Variants in STAG1 observed in about 807,000 individuals in gnomAD.
STAG1 encodes cohesin subunit SA-1.
In STAG1, 26 loss-of-function variants were observed where a neutral mutation model predicts 170.9. The observed-to-expected ratio is 0.15, with a 90% CI of 0.11 to 0.21. The LOEUF (loss-of-function observed/expected upper bound fraction) is 0.21, where lower values mean the gene tolerates loss of function less well. STAG1 is among the 10% of genes least tolerant of loss of function. The probability of loss-of-function intolerance (pLI) is 1.00; values close to 1 mark genes in which losing one functional copy is unlikely to be tolerated. For missense variants in STAG1, 964 were observed against 1,509.5 expected, an observed-to-expected ratio of 0.64 and a Z score of 5.99; for synonymous variants, 514 against 497.7, an observed-to-expected ratio of 1.03 and a Z score of -0.44.
At chr3:136,592,230 T>C (rs1385387442) in intron 4 of STAG1, among the ~76,000 whole-genome samples, 1 of 152,194 alleles carries the variant, frequency 6.6e-6, no homozygotes, top group East Asian at 1.9e-4. Context: ...TGAATTGTAA[T>C]TCCCATAATC....
intron 5 of STAG1, among the ~76,000 whole-genome samples, chr3:136,566,748 TACAG>T (rs984912099): frequency 1.3e-5 from 2 of 152,188 alleles, no homozygotes; most frequent in African/African-American, 4.8e-5. Flanking sequence ...TGCATTTACC[TACAG>T]ACATTCTTTA....
chr3:136,747,621 AGTG>A lies in STAG1; in HGVS notation c.-84+4571_-84+4573del, dbSNP rs1219387677. ...GCCTGGGGAGGTTGAGGCTGCAGTG[AGTG>A]AACTGTGACTGCACAACTGCACTCC... is the stretch of plus-strand genomic sequence containing the variant. On this transcript the variant is annotated intron_variant, in intron 1 of 33. Coordinates refer to ENST00000383202, the MANE Select transcript of STAG1 (RefSeq NM_005862.3). 2.6e-5 allele frequency among the ~76,000 whole-genome samples: 4 copies of A among 152,180 alleles called. No homozygotes were observed. In the East Asian group the frequency reaches 7.8e-4, roughly 30 times the overall value.
At chr3:136,666,987 CTA>C (rs1314845984) in intron 1 of STAG1, among the ~76,000 whole-genome samples, 1 of 152,052 alleles carries the variant, frequency 6.6e-6, no homozygotes. Flanking sequence ...TATATTCCAC[CTA>C]TATAGTTTCA....
chr3:136,530,507 T>C lies in STAG1; in HGVS notation c.472-9090A>G, dbSNP rs1479350086. ...TTCTCATTAGCACATGGATAGACCATATGTTAAGCCACAAAACAAGTCTCG... is the reference window on the plus strand; with the variant it reads ...TTCTCATTAGCACATGGATAGACCACATGTTAAGCCACAAAACAAGTCTCG... On this transcript the variant is annotated intron_variant, in intron 6 of 33. Transcript: ENST00000383202. Among the ~76,000 whole-genome samples the C allele has an allele frequency of 2.6e-5, 4 of 152,172 alleles. No individual in the cohort carries two copies. In the East Asian group the frequency reaches 5.8e-4, roughly 22 times the overall value.
intron 1 of STAG1, among the ~76,000 whole-genome samples, chr3:136,708,999 CAG>C (rs1943308878): frequency 9.5e-6 from 1 of 105,424 alleles, no homozygotes; most frequent in Non-Finnish European, 1.8e-5. Context: ...TTTTTAAAGA[CAG>C]GGTCTCAGCC....
intron 3 of STAG1, among the ~76,000 whole-genome samples, chr3:136,612,868 CTTAATT>C (rs1205562946): frequency 6.6e-6 from 1 of 152,172 alleles, no homozygotes; most frequent in African/African-American, 2.4e-5. Flanking sequence ...TTTCTGTGTA[CTTAATT>C]TTTAAAATCA....
chr3:136,725,269 A>G (rs956576686), intron 1 of STAG1, among the ~76,000 whole-genome samples: 7 of 146,062 alleles, frequency 4.8e-5, no homozygotes, highest in African/African-American at 1.8e-4. Context: ...CTAGAAAACA[A>G]AATTATACGG....
intron 7 of STAG1, among the ~76,000 whole-genome samples, chr3:136,512,723 A>C (rs1326527966): frequency 1.4e-5 from 2 of 143,908 alleles, no homozygotes; most frequent in Non-Finnish European, 3.1e-5. Context: ...CACTAACAAC[A>C]ATTGAGGATC....
At chr3:136,722,989 C>G (rs1171074206) in intron 1 of STAG1, among the ~76,000 whole-genome samples, 3 of 152,238 alleles carry the variant, frequency 2.0e-5, no homozygotes, top group Non-Finnish European at 4.4e-5. Context: ...CTGGTTCACT[C>G]AGTGCTCAAT....
At chr3:136,485,298 A>G (rs1396567524) in intron 9 of STAG1, among the ~76,000 whole-genome samples, 1 of 152,092 alleles carries the variant, frequency 6.6e-6, no homozygotes, top group Non-Finnish European at 1.5e-5. Context: ...TCTACTAAAA[A>G]TACAAAAAAT....
intron 3 of STAG1, among the ~76,000 whole-genome samples, chr3:136,619,932 G>A (rs1306403605): frequency 6.6e-6 from 1 of 151,814 alleles, no homozygotes; most frequent in Non-Finnish European, 1.5e-5. Flanking sequence ...GCGTGGTGGC[G>A]TGCGTCTGTA....
At chr3:136,472,261 A>G (rs2089646162) in intron 12 of STAG1, 152 bp downstream of exon 12, 2 of 486,324 alleles carry the variant, frequency 4.1e-6, no homozygotes, top group Non-Finnish European at 7.2e-6. Context: ...AAAAAACAGA[A>G]AACACTTTTT....
intron 7 of STAG1, among the ~76,000 whole-genome samples, chr3:136,513,026 T>C (rs1934153732): frequency 6.6e-6 from 1 of 152,120 alleles, no homozygotes; most frequent in South Asian, 2.1e-4. Flanking sequence ...CGAAAAGGTA[T>C]CTACGAAACA....
chr3:136,592,318 G>C (rs1938225172), intron 4 of STAG1, among the ~76,000 whole-genome samples: 1 of 152,124 alleles, frequency 6.6e-6, no homozygotes, highest in Non-Finnish European at 1.5e-5. Flanking sequence ...TCTCATGACA[G>C]TGAGTGAGTC....
chr3:136,519,627 C>A (rs1217478321), intron 7 of STAG1, among the ~76,000 whole-genome samples: 1 of 148,816 alleles, frequency 6.7e-6, no homozygotes. Context: ...CGAAAAGGAA[C>A]AGAAAGTATA....
chr3:136,648,357 G>C (rs1462284483), intron 1 of STAG1, among the ~76,000 whole-genome samples: 2 of 152,160 alleles, frequency 1.3e-5, no homozygotes, highest in Non-Finnish European at 2.9e-5. Context: ...GATGAAATGT[G>C]ATGTACCCTT....
At position 136,537,414 on chromosome 3, in the gene STAG1, C is replaced by A. The variant is rs1172451389; in HGVS notation, c.471+4705G>T. On this transcript the variant is annotated intron_variant, in intron 6 of 33. Transcript: ENST00000383202. ...GGAGCTGACAGTAGAAATGGCATTC[C>A]TCACTGGTTTCTTAGGTTATTTTAA... Among the ~76,000 whole-genome samples, 7 of 151,932 alleles carry A rather than the reference C, an allele frequency of 4.6e-5. No homozygotes were observed. The South Asian group carries it at 1.5e-3, about 32-fold the overall frequency.
At chr3:136,631,098 G>A in intron 1 of STAG1, 117 bp from the exon 2 acceptor site, 1 of 515,014 alleles carries the variant, frequency 1.9e-6, no homozygotes, top group Non-Finnish European at 3.4e-6. Flanking sequence ...ACCCAAATGA[G>A]CTGAAAACCA....
chr3:136,649,181 A>T (rs1941130347), intron 1 of STAG1, among the ~76,000 whole-genome samples: 1 of 152,150 alleles, frequency 6.6e-6, no homozygotes, highest in Admixed American at 6.6e-5. Context: ...TTGTTAATTG[A>T]AAGGGTTGTT....
Sources: gnomAD v4.1 joint callset for allele counts (sites outside exome capture counted in the v4.1 genomes callset) on GRCh38, gnomAD v4.1.1 for gene constraint, MANE v1.5 for transcripts, NCBI Gene and HGNC (gene_info 2026-07-23, HGNC 2026-07-21) for gene names.